Variants in TBCD observed in about 807,000 individuals in gnomAD.
The protein encoded by TBCD is tubulin folding cofactor D.
In TBCD, 105 loss-of-function variants were observed where a neutral mutation model predicts 169.3. That is an observed-to-expected ratio of 0.62 (90% CI 0.53 to 0.73). TBCD has a LOEUF of 0.73. Among genes scored for constraint, TBCD ranks in the 30% least tolerant of loss-of-function variants. The pLI, the probability that TBCD is intolerant of heterozygous loss-of-function variation, is 0.00. For synonymous variants in TBCD, 700 were observed against 643.9 expected (o/e 1.09, Z -1.32); for missense variants, 1,444 against 1,600.1 (o/e 0.90, Z 1.66).
chr17:82,860,420 G>T (rs923659462), intron 13 of TBCD: 2 of 985,412 alleles, frequency 2.0e-6, no homozygotes, highest in East Asian at 1.1e-4. Context: ...CGGACAGCGA[G>T]GGGGACAGAC....
Position 82,816,675 on chromosome 17 carries a change from C to A in TBCD, c.1318+1741C>A, listed in dbSNP as rs2459714. Among the ~76,000 whole-genome samples, 33 of 151,496 alleles carry A rather than the reference C, an allele frequency of 2.2e-4. No individual in the cohort carries two copies. In the South Asian group the frequency reaches 5.8e-3, roughly 27 times the overall value. On this transcript the variant is annotated intron_variant, in intron 13 of 38. Transcript: ENST00000355528. Reference sequence around the variant, plus strand: ...CAGCCTCCTGAGTAGCTGGGACCACCGGTGCCCACCACCATGCCACATTAA... The same window carrying A: ...CAGCCTCCTGAGTAGCTGGGACCACAGGTGCCCACCACCATGCCACATTAA...
intron 17 of TBCD, among the ~76,000 whole-genome samples, chr17:82,898,177 G>A (rs1173957351): frequency 4.0e-5 from 6 of 148,572 alleles, no homozygotes; most frequent in African/African-American, 1.3e-4. Flanking sequence ...GGGAGCACAC[G>A]GCACGGCTCT....
At chr17:82,803,055 T>A (rs561391408) in intron 9 of TBCD, among the ~76,000 whole-genome samples, 16 of 152,368 alleles carry the variant, frequency 1.1e-4, no homozygotes, top group Non-Finnish European at 1.9e-4. Context: ...TCCATTTTTA[T>A]CTCCTCGGTT....
At chr17:82,873,773 G>T (rs540615104) in intron 14 of TBCD, among the ~76,000 whole-genome samples, 1 of 152,180 alleles carries the variant, frequency 6.6e-6, no homozygotes, top group Non-Finnish European at 1.5e-5. Context: ...GGCGGGCCCC[G>T]TGCTTCATGG....
rs772629683 is a variant in TBCD, at chr17:82,830,976, C to G, written c.1318+16042C>G. ...ATAAGCCTGGCTCATGGAACCCAAC[C>G]AGAAACATTCCCTTGGAGGTTTTGA... On this transcript the variant is annotated intron_variant, in intron 13 of 38. Coordinates refer to ENST00000355528, the MANE Select transcript of TBCD (RefSeq NM_005993.5). 5.0e-6 allele frequency: 8 copies of G among 1,613,572 alleles called. No homozygotes were observed. The South Asian group carries it at 7.7e-5, about 16-fold the overall frequency.
At position 82,884,315 on chromosome 17, in the gene TBCD, C is replaced by CTCCCT; in HGVS notation, c.1533+113_1533+114insTCCCT. ...CCAGCTCACCCATCCACAGCAGGAG[C>CTCCCT]CGCGAGGGAGCTGCTGAGAGTGCCA... On this transcript the variant is annotated intron_variant, in intron 15 of 38. Transcript: ENST00000355528. This position sits in a 1 kb window ranked among gnomAD's most constrained non-coding sequence, Gnocchi z 4.2. 9.9e-7 allele frequency: 1 copy of CTCCCT among 1,010,162 alleles called. No individual in the cohort carries two copies. Among genetic ancestry groups the CTCCCT allele is most frequent in the Non-Finnish European group, 1.5e-6 (1 of 664,478 alleles). The allele number at this position is 1,010,162 out of a possible 1,614,324, so 62.6% of individuals were successfully genotyped here. A position where few individuals can be genotyped will look rare whatever the true frequency, so the allele number is the denominator to read the frequency against.
At chr17:82,908,495 G>A (rs2060401185) in intron 21 of TBCD, 1 of 387,194 alleles carries the variant, frequency 2.6e-6, no homozygotes, top group Non-Finnish European at 5.2e-6. Context: ...TGTTCACGAG[G>A]GATTACGTGG....
chr17:82,777,392 C>G (rs190288503), intron 6 of TBCD, among the ~76,000 whole-genome samples: 207 of 152,308 alleles, frequency 1.4e-3, no homozygotes, highest in African/African-American at 4.3e-3. Flanking sequence ...TAAAAGACAG[C>G]TGGGCCCGGG....
At chr17:82,844,206 C>T (rs369425433) in intron 13 of TBCD, among the ~76,000 whole-genome samples, 9 of 127,404 alleles carry the variant, frequency 7.1e-5, no homozygotes, top group South Asian at 5.8e-4. Flanking sequence ...GGATGTTCTC[C>T]GTGTGTGTGT....
At chr17:82,812,561 T>G (rs1050941318) in intron 12 of TBCD, among the ~76,000 whole-genome samples, 2 of 152,178 alleles carry the variant, frequency 1.3e-5, no homozygotes, top group Non-Finnish European at 2.9e-5. Flanking sequence ...TTGTTTTGTT[T>G]TTGAGATGGA....
chr17:82,881,165 C>T (rs958320414), intron 14 of TBCD, among the ~76,000 whole-genome samples: 1 of 152,208 alleles, frequency 6.6e-6, no homozygotes, highest in African/African-American at 2.4e-5. Context: ...GCTGCTGTGG[C>T]CTGGACGCTG....
Position 82,843,858 on chromosome 17 carries a change from C to T in TBCD, c.1319-26366C>T, listed in dbSNP as rs573374903. Among the ~76,000 whole-genome samples, 12 of 152,324 alleles carry T rather than the reference C, an allele frequency of 7.9e-5. No homozygotes were observed. The South Asian group carries it at 2.1e-3, about 26-fold the overall frequency. ...TCCGTCACAGCAGTGCCACCCTTCC[C>T]CACCCAGACCGTGGCAACTGCAGGC... On this transcript the variant is annotated intron_variant, in intron 13 of 38. Coordinates refer to ENST00000355528, the MANE Select transcript of TBCD (RefSeq NM_005993.5).
chr17:82,859,208 C>T (rs1057221085), intron 13 of TBCD, among the ~76,000 whole-genome samples: 8 of 147,288 alleles, frequency 5.4e-5, no homozygotes, highest in Non-Finnish European at 1.0e-4. Flanking sequence ...GTGTCCTCCC[C>T]GCACTGGCTT....
chr17:82,839,006 T>C (rs1393535548), intron 13 of TBCD: 3 of 982,146 alleles, frequency 3.1e-6, no homozygotes, highest in East Asian at 2.3e-4. Flanking sequence ...AAATTTCATA[T>C]AAGGAAAAAA....
At position 82,924,986 on chromosome 17, in the gene TBCD, A is replaced by G. The variant is rs1167633823; in HGVS notation, c.2308A>G (p.Met770Val). ...GGCTGAGCTTCGGAACCCCGAGGAG[A>G]TGACTCGCTGTGGCTTCTCGTTGGC... is the stretch of plus-strand genomic sequence containing the variant. ...YLAELRNPEE[M>V]TRCGFSLALG... The change falls in exon 27 of 39, where the codon ATG becomes GTG. Residue 770 changes from methionine to valine, a missense_variant. By Grantham distance (21) the Met-to-Val change is conservative. Transcript: ENST00000355528. The G allele has an allele frequency of 4.4e-6, 7 of 1,575,742 alleles. No homozygotes were observed.
Position 82,944,776 on chromosome 17 carries a change from G to A in TBCD, c.*2313G>A, listed in dbSNP as rs372871606. ...AGCAGAGACCTTGGAGATCCTGAGG[G>A]TTTCTGCTGAGCCCTGGAATCTAGT... On this transcript the variant is annotated 3_prime_UTR_variant, in exon 39 of 39. Coordinates refer to ENST00000355528, the MANE Select transcript of TBCD (RefSeq NM_005993.5). 3 of 152,172 alleles carry A rather than the reference G, an allele frequency of 2.0e-5. No homozygotes were observed. The highest frequency in any genetic ancestry group is 1.9e-4 in the East Asian group (1 of 5,204). The allele number at this position is 152,172 out of a possible 1,614,324, so 9.4% of individuals were successfully genotyped here.
chr17:82,793,933 C>T (rs1488317489), intron 7 of TBCD, among the ~76,000 whole-genome samples: 1 of 152,202 alleles, frequency 6.6e-6, no homozygotes, highest in African/African-American at 2.4e-5. Context: ...GACTCGCTCT[C>T]CTCATCTGCA....
chr17:82,874,494 G>T lies in TBCD; in HGVS notation c.1475+4114G>T, dbSNP rs568329305. ...GGGCCTCAGGGCTCGCAGCTCACAG[G>T]CTTCTGACGCCTCAGCCTGGAGCTG... is the stretch of plus-strand genomic sequence containing the variant. On this transcript the variant is annotated intron_variant, in intron 14 of 38. Coordinates refer to ENST00000355528, the MANE Select transcript of TBCD (RefSeq NM_005993.5). The surrounding 1 kb of genome is among the most constrained non-coding windows in gnomAD (Gnocchi z 5.0). Among the ~76,000 whole-genome samples, 1 of 152,216 alleles carries T rather than the reference G, an allele frequency of 6.6e-6. No individual in the cohort carries two copies. Among genetic ancestry groups the T allele is most frequent in the Admixed American group, 6.5e-5 (1 of 15,298 alleles).
intron 7 of TBCD, among the ~76,000 whole-genome samples, chr17:82,790,545 G>A (rs550783330): frequency 1.6e-4 from 25 of 152,304 alleles, no homozygotes; most frequent in African/African-American, 5.8e-4. Flanking sequence ...TCCCCAGGTG[G>A]CAGGTGGCTC....
Sources: allele counts gnomAD v4.1 joint callset (sites outside exome capture counted in the v4.1 genomes callset), GRCh38; gene constraint gnomAD v4.1.1; non-coding constraint Gnocchi (gnomAD v3.1); transcripts MANE v1.5; gene names NCBI Gene and HGNC (gene_info 2026-07-23, HGNC 2026-07-21).